Variants in CHRNA9 observed in about 807,000 individuals in gnomAD.
CHRNA9 encodes the protein neuronal acetylcholine receptor subunit alpha-9.
CHRNA9 carries 24 observed loss-of-function variants against 36.8 expected under a neutral mutation model. The observed-to-expected ratio is 0.65, with a 90% confidence interval of 0.47 to 0.92. The LOEUF (loss-of-function observed/expected upper bound fraction) is 0.92. Among genes scored for constraint, CHRNA9 ranks in the 40% least tolerant of loss-of-function variants. CHRNA9 has a pLI of 0.00. For missense variants in CHRNA9, 610 were observed against 601.2 expected (o/e 1.01, Z -0.15); for synonymous variants, 231 against 231.8 (o/e 1.00, Z 0.03).
intron 2 of CHRNA9, among the ~76,000 whole-genome samples, chr4:40,336,772 G>T (rs971798738): frequency 6.6e-6 from 1 of 152,220 alleles, no homozygotes; most frequent in Non-Finnish European, 1.5e-5. Flanking sequence ...GAGCCACCGC[G>T]CCCGGCCAAT....
At chr4:40,343,219 G>GA (rs1432893606) in intron 3 of CHRNA9, among the ~76,000 whole-genome samples, 1 of 152,186 alleles carries the variant, frequency 6.6e-6, no homozygotes, top group Non-Finnish European at 1.5e-5. Flanking sequence ...ATCAGATACA[G>GA]AAGAGGAGAG....
chr4:40,335,506 C>T lies in CHRNA9; in HGVS notation c.39C>T (p.Ile13=), dbSNP rs56241474. ...ATTCCTGCATCTCCTTTTGCTGGAT[C>T]TACTTTGCTGCTTCCAGACTGAGAG... ...WSHSCISFCW[I]YFAASRLRAA... is the part of the protein sequence containing the mutation. Residue 13 remains isoleucine (I), a synonymous_variant, in exon 1 of 5, where the codon ATC becomes ATT. Transcript: ENST00000310169. 451,017 of 1,610,370 alleles carry T rather than the reference C, an allele frequency of 0.28. 66,383 individuals carry two copies. Among genetic ancestry groups the T allele is most frequent in the Non-Finnish European group, 0.3 (357,994 of 1,176,600 alleles).
At chr4:40,337,403 C>T (rs772482609) in intron 3 of CHRNA9, 39 bp downstream of exon 3, 15 of 1,577,102 alleles carry the variant, frequency 9.5e-6, no homozygotes, top group South Asian at 2.3e-5. Flanking sequence ...CAGGCATGAA[C>T]GTGTTGATTT....
At chr4:40,339,702 G>A (rs115327085) in intron 3 of CHRNA9, among the ~76,000 whole-genome samples, 3,069 of 146,184 alleles carry the variant, frequency 0.021, 117 homozygotes, top group African/African-American at 0.075. Flanking sequence ...CACTCCTATC[G>A]CCCACGCTAG....
intron 2 of CHRNA9, among the ~76,000 whole-genome samples, chr4:40,336,521 G>A (rs1222149050): frequency 6.6e-6 from 1 of 152,120 alleles, no homozygotes; most frequent in Non-Finnish European, 1.5e-5. Flanking sequence ...CTGTCACCCA[G>A]GCTGGAGTGC....
At chr4:40,349,480 G>A in intron 4 of CHRNA9, 66 bp downstream of exon 4, 1 of 1,459,156 alleles carries the variant, frequency 6.9e-7, no homozygotes, top group South Asian at 1.3e-5. Flanking sequence ...CTTTAAGGTT[G>A]TGTGTGTGCC....
chr4:40,349,463 G>A, intron 4 of CHRNA9, 49 bp downstream of exon 4: 5 of 1,547,990 alleles, frequency 3.2e-6, no homozygotes, highest in Non-Finnish European at 4.4e-6. Context: ...AGTGCCTGGG[G>A]TCATGCCTTT....
At chr4:40,340,539 C>G (rs1308151978) in intron 3 of CHRNA9, among the ~76,000 whole-genome samples, 1 of 152,186 alleles carries the variant, frequency 6.6e-6, no homozygotes, top group East Asian at 1.9e-4. Flanking sequence ...GAATCCCTGA[C>G]TCTGTAGAAT....
chr4:40,348,278 G>A (rs1031144028), intron 3 of CHRNA9: 1 of 152,468 alleles, frequency 6.6e-6, no homozygotes, highest in Non-Finnish European at 1.5e-5. Flanking sequence ...ACGGGAGAAA[G>A]AGTAATTCCC....
At chr4:40,338,817 C>T (rs1032142221) in intron 3 of CHRNA9, among the ~76,000 whole-genome samples, 17 of 151,980 alleles carry the variant, frequency 1.1e-4, no homozygotes, top group Admixed American at 1.1e-3. Context: ...AGTTTACCCT[C>T]CCTCCCCGTG....
intron 4 of CHRNA9, chr4:40,350,056 T>C (rs148663308): frequency 6.6e-6 from 1 of 152,306 alleles, no homozygotes; most frequent in Non-Finnish European, 1.5e-5. Flanking sequence ...AAACAGTGAC[T>C]ACTGTTATCA....
chr4:40,341,273 G>GTTTTTTTTTTT (rs1268686237), intron 3 of CHRNA9, among the ~76,000 whole-genome samples: 2 of 127,046 alleles, frequency 1.6e-5, no homozygotes, highest in African/African-American at 5.9e-5. Flanking sequence ...TTCATGGTCA[G>GTTTTTTTTTTT]GTTTTTTTTT....
In CHRNA9 at chr4:40,354,293, G is replaced by A; in HGVS notation, c.1213G>A (p.Gly405Ser). 6.2e-7 allele frequency: 1 copy of A among 1,614,170 alleles called. No individual in the cohort carries two copies. The highest frequency in any genetic ancestry group is 8.5e-7 in the Non-Finnish European group (1 of 1,180,026). The stretch of plus-strand genomic sequence containing the variant: ...GAACAAACGCTTAAAGAACGACCTG[G>A]GCTGCCAGGGTAAGAACCCTCAGGA... ...DMNKRLKNDL[G>S]CQGKNPQEAE... The change falls in exon 5 of 5, where the codon GGC becomes AGC. Residue 405 changes from glycine (G) to serine (S), a missense_variant. By Grantham distance (56) the Gly-to-Ser change is moderately conservative. Transcript: ENST00000310169.
intron 4 of CHRNA9, chr4:40,349,756 T>C: frequency 4.5e-6 from 1 of 220,164 alleles, no homozygotes; most frequent in South Asian, 1.1e-4. Flanking sequence ...GGAAGCCTAC[T>C]GAATCAGACA....
intron 4 of CHRNA9, among the ~76,000 whole-genome samples, chr4:40,352,430 G>A (rs533534968): frequency 2.6e-4 from 39 of 152,188 alleles, no homozygotes; most frequent in Admixed American, 7.2e-4. Flanking sequence ...TCACCATGTT[G>A]GCCAGGCTGG....
At chr4:40,335,648 T>C in intron 1 of CHRNA9, 117 bp downstream of exon 1, 1 of 1,002,514 alleles carries the variant, frequency 1.0e-6, no homozygotes, top group Non-Finnish European at 1.6e-6. Context: ...AAGTGTTCTG[T>C]GCTTCCTACT....
intron 3 of CHRNA9, among the ~76,000 whole-genome samples, chr4:40,342,407 T>G (rs1283317304): frequency 6.6e-6 from 1 of 152,130 alleles, no homozygotes; most frequent in East Asian, 1.9e-4. Flanking sequence ...TAAAGTCCTA[T>G]AGAACTACTC....
chr4:40,337,332 C>G lies in CHRNA9; in HGVS notation c.333C>G (p.Leu111=). ...GLDSIRIPSD[L]VWRPDIVLYN... ...ACTCCATCAGGATCCCCAGTGACCT[C>G]GTGTGGAGGCCAGACATCGTCTTAT... Residue 111 remains leucine, a synonymous_variant, in exon 3 of 5, where the codon CTC becomes CTG. Transcript: ENST00000310169. The G allele has an allele frequency of 6.2e-7, 1 of 1,614,154 alleles. No homozygotes were observed. Among genetic ancestry groups the G allele is most frequent in the African/African-American group, 1.3e-5 (1 of 75,048 alleles).
intron 3 of CHRNA9, among the ~76,000 whole-genome samples, chr4:40,340,485 G>A (rs1577545081): frequency 6.6e-6 from 1 of 152,074 alleles, no homozygotes; most frequent in South Asian, 2.1e-4. Context: ...GGCAAAGAAG[G>A]GCCCTTAGTC....
Sources: gnomAD v4.1 joint callset for allele counts (sites outside exome capture counted in the v4.1 genomes callset) on GRCh38, gnomAD v4.1.1 for gene constraint, MANE v1.5 for transcripts, NCBI Gene and HGNC (gene_info 2026-07-23, HGNC 2026-07-21) for gene names.